The following ETFA variants were observed in gnomAD, a reference collection of about 807,000 sequenced individuals.
The protein encoded by ETFA is electron transfer flavoprotein subunit alpha, mitochondrial.
In ETFA, 22 loss-of-function variants were observed where a neutral mutation model predicts 46.2. That is an observed-to-expected ratio of 0.48 (90% confidence interval 0.34 to 0.68). The LOEUF (loss-of-function observed/expected upper bound fraction) is 0.68, where lower values mean the gene tolerates loss of function less well. Ranked by LOEUF, ETFA falls within the 30% of genes least tolerant of loss-of-function variation. ETFA has a pLI of 0.01. For missense variants in ETFA, 345 were observed against 401.1 expected (o/e 0.86, Z 1.19); for synonymous variants, 131 against 139.9 (o/e 0.94, Z 0.45).
At chr15:76,218,020 C>T (rs2038915399) in intron 11 of ETFA, among the ~76,000 whole-genome samples, 2 of 152,238 alleles carry the variant, frequency 1.3e-5, no homozygotes, top group Admixed American at 6.5e-5. Context: ...CAGCTTTCCT[C>T]AGTGGAGAGA....
intron 4 of ETFA, among the ~76,000 whole-genome samples, chr15:76,289,357 C>A: frequency 6.6e-6 from 1 of 152,324 alleles, no homozygotes; most frequent in East Asian, 1.9e-4. Flanking sequence ...GGAATAGTTA[C>A]TTGGCTGAAC....
chr15:76,306,456 G>A (rs534267131), intron 1 of ETFA, among the ~76,000 whole-genome samples: 2 of 151,420 alleles, frequency 1.3e-5, no homozygotes, highest in Admixed American at 6.6e-5. Flanking sequence ...TAGTAGAGAC[G>A]GGTTTCACCA....
intron 9 of ETFA, among the ~76,000 whole-genome samples, chr15:76,269,305 T>C (rs550402607): frequency 7.2e-5 from 11 of 152,300 alleles, no homozygotes; most frequent in African/African-American, 2.6e-4. Context: ...TAAAAGAGTT[T>C]TGGAATATGT....
At chr15:76,261,513 C>A in intron 9 of ETFA, 7 of 702,498 alleles carry the variant, frequency 1.0e-5, no homozygotes, top group Non-Finnish European at 1.7e-5. Flanking sequence ...TGCAGCTGAG[C>A]TTTACCAGCT....
chr15:76,283,851 AATT>A, intron 7 of ETFA, 26 bp from the exon 8 acceptor site: 1 of 1,552,070 alleles, frequency 6.4e-7, no homozygotes. Context: ...GAAAAAAAAA[AATT>A]AGGCAAACAT....
At chr15:76,257,459 C>T (rs1485407118) in intron 9 of ETFA, among the ~76,000 whole-genome samples, 2 of 152,274 alleles carry the variant, frequency 1.3e-5, no homozygotes, top group African/African-American at 2.4e-5. Flanking sequence ...AAATCAAAAC[C>T]ACAATGAGAT....
Position 76,280,665 on chromosome 15 carries a change from C to A in ETFA, c.733+3092G>T, listed in dbSNP as rs568590622. 1.8e-4 allele frequency among the ~76,000 whole-genome samples: 28 copies of A among 152,286 alleles called. No individual in the cohort carries two copies. The East Asian group carries it at 5.4e-3, about 29-fold the overall frequency. On this transcript the variant is annotated intron_variant, in intron 8 of 11. Transcript: ENST00000557943. ...TTCCCCATTTCATTCAGAGAAAGAG[C>A]AATCTCTACAATGTCCTATAAGGCC...
chr15:76,231,386 C>A lies in ETFA; in HGVS notation c.829G>T (p.Ala277Ser). 3.8e-6 allele frequency: 6 copies of A among 1,599,148 alleles called. No individual in the cohort carries two copies. The highest frequency in any genetic ancestry group is 5.1e-6 in the Non-Finnish European group (6 of 1,166,588). Residue 277 changes from alanine to serine, a missense_variant, in exon 10 of 12, where the codon GCT (alanine) becomes TCT (serine). Ala to Ser is a moderately conservative substitution (Grantham distance 99). Coordinates refer to ENST00000557943, the MANE Select transcript of ETFA (RefSeq NM_000126.4). Reference protein sequence around the residue: ...GKIVAPELYIAVGISGAIQHL... With the variant: ...GKIVAPELYISVGISGAIQHL... ...TGGATGGCTCCAGATATTCCAACAG[C>A]AATATAAAGTTCCTGAAATAAAAGA...
chr15:76,225,814 C>G, intron 11 of ETFA, 35 bp downstream of exon 11: 1 of 1,253,844 alleles, frequency 8.0e-7, no homozygotes, highest in Non-Finnish European at 1.2e-6. Context: ...GGATGACAAT[C>G]TAGATAATAG....
At chr15:76,304,988 A>C (rs989620226) in intron 1 of ETFA, among the ~76,000 whole-genome samples, 1 of 151,614 alleles carries the variant, frequency 6.6e-6, no homozygotes, top group African/African-American at 2.4e-5. Context: ...GGCTGCAGTG[A>C]GTCGAGATGG....
chr15:76,295,980 C>T (rs1397187997), intron 1 of ETFA, among the ~76,000 whole-genome samples: 8 of 38,770 alleles, frequency 2.1e-4, no homozygotes, highest in African/African-American at 2.6e-4. Context: ...CTCGCTCTGT[C>T]GCCCAGGCTG....
intron 8 of ETFA, among the ~76,000 whole-genome samples, chr15:76,282,164 A>G (rs2039661385): frequency 6.6e-6 from 1 of 151,988 alleles, no homozygotes; most frequent in African/African-American, 2.4e-5. Context: ...CTGGCCTCCC[A>G]AAGTGCTGGC....
At chr15:76,292,731 C>T in intron 2 of ETFA, 31 bp from the exon 3 acceptor site, 1 of 1,412,918 alleles carries the variant, frequency 7.1e-7, no homozygotes, top group African/African-American at 1.4e-5. Context: ...CCTAATTATC[C>T]ATCTATCAGA....
chr15:76,263,174 A>AAT (rs1322943646), intron 9 of ETFA, among the ~76,000 whole-genome samples: 1 of 152,140 alleles, frequency 6.6e-6, no homozygotes, highest in Non-Finnish European at 1.5e-5. Flanking sequence ...ATCACCAATA[A>AAT]ATAGTGTGGG....
chr15:76,279,690 C>T (rs977795349), intron 8 of ETFA, among the ~76,000 whole-genome samples: 1 of 152,156 alleles, frequency 6.6e-6, no homozygotes, highest in Non-Finnish European at 1.5e-5. Context: ...ATCTTCAGTC[C>T]TCACCGTCCT....
intron 9 of ETFA, chr15:76,261,213 G>A: frequency 6.4e-7 from 1 of 1,551,026 alleles, no homozygotes; most frequent in Admixed American, 1.7e-5. Flanking sequence ...CAGGTTCAGG[G>A]GGACCCACAG....
intron 9 of ETFA, among the ~76,000 whole-genome samples, chr15:76,245,040 C>T (rs933905839): frequency 2.0e-5 from 3 of 152,146 alleles, no homozygotes; most frequent in Non-Finnish European, 4.4e-5. Flanking sequence ...AATTAAAACT[C>T]CTAGTTTTTT....
rs184333188 is a variant in ETFA at position 76,301,556 on chromosome 15, C to T, written c.40-5819G>A. 3.3e-5 allele frequency among the ~76,000 whole-genome samples: 5 copies of T among 152,090 alleles called. No homozygotes were observed. The East Asian group carries it at 7.7e-4, about 23-fold the overall frequency. Reference sequence around the variant, plus strand: ...TGAAACCCCATTTCTCCTAAAAATACGAAAATTAGCTGGGCATGGTGGCAC... The same window carrying T: ...TGAAACCCCATTTCTCCTAAAAATATGAAAATTAGCTGGGCATGGTGGCAC... On this transcript the variant is annotated intron_variant, in intron 1 of 11. Coordinates refer to ENST00000557943, the MANE Select transcript of ETFA (RefSeq NM_000126.4).
chr15:76,301,425 C>T (rs191748585), intron 1 of ETFA, among the ~76,000 whole-genome samples: 443 of 152,292 alleles, frequency 2.9e-3, no homozygotes, highest in Non-Finnish European at 4.1e-3. Context: ...AAGAACTCTT[C>T]GTTGGCCAGT....
Sources: gnomAD v4.1 joint callset for allele counts (sites outside exome capture counted in the v4.1 genomes callset) on GRCh38, gnomAD v4.1.1 for gene constraint, MANE v1.5 for transcripts, NCBI Gene and HGNC (gene_info 2026-07-23, HGNC 2026-07-21) for gene names.